Variants in OSBP2 observed in about 807,000 individuals in gnomAD.
OSBP2 encodes oxysterol binding protein 2.
OSBP2 carries 66 observed loss-of-function variants against 96.0 expected under a neutral mutation model. That is an observed-to-expected ratio of 0.69 (90% CI 0.56 to 0.84). OSBP2 has a LOEUF of 0.84. Among genes scored for constraint, OSBP2 ranks in the 40% least tolerant of loss-of-function variants. The pLI, the probability that OSBP2 is intolerant of heterozygous loss-of-function variation, is 0.00. For synonymous variants in OSBP2, 525 were observed against 520.9 expected, an observed-to-expected ratio of 1.01 and a Z score of -0.11; for missense variants, 1,038 against 1,222.7, an observed-to-expected ratio of 0.85 and a Z score of 2.25.
At chr22:30,711,624 G>A (rs1290586526) in intron 1 of OSBP2, among the ~76,000 whole-genome samples, 4 of 151,544 alleles carry the variant, frequency 2.6e-5, no homozygotes, top group South Asian at 2.1e-4. Context: ...CCTGTGGTCC[G>A]AGCTACTCAG....
At chr22:30,707,974 A>C (rs1301885480) in intron 1 of OSBP2, among the ~76,000 whole-genome samples, 5 of 150,470 alleles carry the variant, frequency 3.3e-5, no homozygotes, top group Non-Finnish European at 5.9e-5. Context: ...TGCAACCTCT[A>C]CTTCCTGGGT....
chr22:30,888,428 G>C (rs2039865294), intron 5 of OSBP2, 88 bp downstream of exon 5: 1 of 851,740 alleles, frequency 1.2e-6, no homozygotes, highest in East Asian at 2.4e-5. Context: ...TTGTCTACTT[G>C]GGGTTTTCTT....
intron 2 of OSBP2, among the ~76,000 whole-genome samples, chr22:30,798,985 G>T (rs1290143841): frequency 3.3e-5 from 5 of 149,760 alleles, no homozygotes; most frequent in East Asian, 2.0e-4. Context: ...TTGCACTCCA[G>T]CCTGGGTGAC....
chr22:30,900,953 T>C (rs1010217710), intron 12 of OSBP2, among the ~76,000 whole-genome samples: 11 of 152,312 alleles, frequency 7.2e-5, no homozygotes, highest in African/African-American at 2.6e-4. Flanking sequence ...GAAAAGACGA[T>C]GCATAAACAA....
At chr22:30,894,057 T>C (rs369665309) in intron 12 of OSBP2, 56 bp downstream of exon 12, 3 of 1,497,058 alleles carry the variant, frequency 2.0e-6, no homozygotes, top group Non-Finnish European at 1.8e-6. Context: ...AGGAGGACAG[T>C]GGACAGAAAG....
At chr22:30,697,689 G>A (rs2089072405) in intron 1 of OSBP2, among the ~76,000 whole-genome samples, 1 of 152,202 alleles carries the variant, frequency 6.6e-6, no homozygotes, top group African/African-American at 2.4e-5. Flanking sequence ...GAGGGAGTGA[G>A]AACAAGTTTC....
At chr22:30,795,398 CT>C (rs2145832391) in intron 2 of OSBP2, among the ~76,000 whole-genome samples, 2 of 152,228 alleles carry the variant, frequency 1.3e-5, no homozygotes, top group South Asian at 4.1e-4. Context: ...TCTCTCTTCT[CT>C]CTTCCTCTTA....
At chr22:30,694,566 T>C (rs1431333252), upstream of OSBP2, among the ~76,000 whole-genome samples, 5 of 82,386 alleles carry the variant, frequency 6.1e-5, no homozygotes, top group East Asian at 1.4e-3. Context: ...TTCATCATTG[T>C]TCCTCCAGCG....
At chr22:30,760,731 G>T (rs2090196060) in intron 2 of OSBP2, among the ~76,000 whole-genome samples, 1 of 151,898 alleles carries the variant, frequency 6.6e-6, no homozygotes, top group East Asian at 1.9e-4. Flanking sequence ...CAGGAGAATC[G>T]CTTGAACCCT....
rs35470453 is a variant in OSBP2 at position 30,783,302 on chromosome 22, CTTTTTTTTTTTTT to C, written c.853+41951_853+41963del. On this transcript the variant is annotated intron_variant, in intron 2 of 13. Transcript: ENST00000332585. Reference sequence around the variant, plus strand: ...GAGGCAGGGAGTCTCATTCAGAGAGCTTTTTTTTTTTTTTTTTTTTTTTTTTTTTTGGTGACAG... The same window carrying C: ...GAGGCAGGGAGTCTCATTCAGAGAGCTTTTTTTTTTTTTTTTTGGTGACAG... Among the ~76,000 whole-genome samples the C allele has an allele frequency of 2.9e-4, 10 of 34,708 alleles. No individual in the cohort carries two copies. In the East Asian group the frequency reaches 3.2e-3, roughly 11 times the overall value. 22.8% of individuals were successfully genotyped at this position (34,708 alleles called of 152,430 possible). A position where few individuals can be genotyped will look rare whatever the true frequency, so the allele number is the denominator to read the frequency against.
chr22:30,742,492 T>C (rs2089952385), intron 2 of OSBP2, among the ~76,000 whole-genome samples: 1 of 152,146 alleles, frequency 6.6e-6, no homozygotes, highest in South Asian at 2.1e-4. Context: ...TGTCTTTGAC[T>C]CCTGGTTCCC....
intron 2 of OSBP2, among the ~76,000 whole-genome samples, chr22:30,769,139 G>T (rs1005543392): frequency 6.6e-6 from 1 of 152,220 alleles, no homozygotes; most frequent in East Asian, 1.9e-4. Flanking sequence ...CCCTCGGTCA[G>T]TTTGCTGAAT....
intron 2 of OSBP2, among the ~76,000 whole-genome samples, chr22:30,847,170 GT>G (rs2038887113): frequency 6.6e-6 from 1 of 151,928 alleles, no homozygotes; most frequent in Admixed American, 6.6e-5. Flanking sequence ...TAGAGATGAG[GT>G]TTCACTTTGT....
chr22:30,733,539 C>T (rs34366470), intron 1 of OSBP2, among the ~76,000 whole-genome samples: 10,430 of 152,138 alleles, frequency 0.069, 428 homozygotes, highest in Non-Finnish European at 0.092. Flanking sequence ...CTCAGGAAAC[C>T]AGATTGCATA....
At chr22:30,887,243 C>T (rs1433620001) in intron 3 of OSBP2, among the ~76,000 whole-genome samples, 183 bp from the exon 4 acceptor site, 2 of 152,144 alleles carry the variant, frequency 1.3e-5, no homozygotes, top group Non-Finnish European at 2.9e-5. Flanking sequence ...TCTTTATGAC[C>T]TGTATTTTGT....
chr22:30,760,166 CT>C (rs78673894), intron 2 of OSBP2, among the ~76,000 whole-genome samples: 2,459 of 137,944 alleles, frequency 0.018, 25 homozygotes, highest in Middle Eastern at 0.049. Flanking sequence ...CTGCACCCGG[CT>C]TTTTTTTTTT....
At chr22:30,821,095 G>C (rs1371391087) in intron 2 of OSBP2, among the ~76,000 whole-genome samples, 1 of 152,228 alleles carries the variant, frequency 6.6e-6, no homozygotes, top group East Asian at 1.9e-4. Context: ...AGATGAAGCA[G>C]TGGCTAAAAC....
Position 30,763,796 on chromosome 22 carries a change from C to G in OSBP2, c.853+22427C>G, listed in dbSNP as rs913800178. Among the ~76,000 whole-genome samples, 7 of 152,232 alleles carry G rather than the reference C, an allele frequency of 4.6e-5. No homozygotes were observed. In the East Asian group the frequency reaches 1.3e-3, roughly 29 times the overall value. ...TGAAATTCAAATGTAACTGGGCATC[C>G]TGCATTTTATCTACGAGCATTTAAC... On this transcript the variant is annotated intron_variant, in intron 2 of 13. Coordinates refer to ENST00000332585, the MANE Select transcript of OSBP2 (RefSeq NM_030758.4).
chr22:30,737,605 A>G (rs140654539), intron 1 of OSBP2, among the ~76,000 whole-genome samples: 73 of 152,182 alleles, frequency 4.8e-4, no homozygotes, highest in African/African-American at 1.7e-3. Context: ...CTGAGATTAC[A>G]GATGTGAGCC....
Sources: allele counts gnomAD v4.1 joint callset (sites outside exome capture counted in the v4.1 genomes callset), GRCh38; gene constraint gnomAD v4.1.1; transcripts MANE v1.5; gene names NCBI Gene and HGNC (gene_info 2026-07-23, HGNC 2026-07-21).